The following DGKB variants were observed in gnomAD, a reference collection of about 807,000 sequenced individuals.
DGKB encodes the protein diacylglycerol kinase beta, also known as 90 kDa diacylglycerol kinase.
In DGKB, 67 loss-of-function variants were observed where a neutral mutation model predicts 114.3. The ratio of observed to expected loss-of-function variants is 0.59; its 90% CI spans 0.48 to 0.72. The LOEUF is 0.72. DGKB is among the 30% of genes least tolerant of loss of function. The pLI, the probability that DGKB is intolerant of heterozygous loss-of-function variation, is 0.00. For synonymous variants in DGKB, 398 were observed against 323.1 expected, an observed-to-expected ratio of 1.23 and a Z score of -2.49; for missense variants, 907 against 975.2, an observed-to-expected ratio of 0.93 and a Z score of 0.93.
chr7:14,801,477 G>T (rs1463347971), intron 2 of DGKB, among the ~76,000 whole-genome samples: 2 of 152,166 alleles, frequency 1.3e-5, no homozygotes, highest in Non-Finnish European at 2.9e-5. Flanking sequence ...ACTAGCATTT[G>T]AATTGGTGAA....
chr7:14,659,997 G>A (rs1446772146), intron 13 of DGKB, among the ~76,000 whole-genome samples: 3 of 151,172 alleles, frequency 2.0e-5, no homozygotes, highest in Admixed American at 2.0e-4. Flanking sequence ...TAATCATGTG[G>A]TTTTTGTCTT....
chr7:14,915,466 C>A (rs1784199296), intron 1 of DGKB, among the ~76,000 whole-genome samples: 1 of 152,154 alleles, frequency 6.6e-6, no homozygotes, highest in Admixed American at 6.6e-5. Context: ...CGCTAAACCA[C>A]AGATCCAAGA....
At chr7:14,279,869 C>T (rs1348216650) in intron 23 of DGKB, among the ~76,000 whole-genome samples, 2 of 149,434 alleles carry the variant, frequency 1.3e-5, no homozygotes, top group Admixed American at 6.7e-5. Context: ...ACATCACCAT[C>T]ATCAAACACC....
Position 14,148,982 on chromosome 7 carries a change from A to G in DGKB, c.*149T>C, listed in dbSNP as rs1379015653. On this transcript the variant is annotated 3_prime_UTR_variant, in exon 26 of 26. Coordinates refer to ENST00000402815, the MANE Select transcript of DGKB (RefSeq NM_001350709.2). ...AGACAATAAATTTTCTAATAGCTGA[A>G]TTTTACATTAGCTTAGTAACAAAAA... 3.0e-6 allele frequency: 2 copies of G among 675,276 alleles called. No homozygotes were observed. The highest frequency in any genetic ancestry group is 5.0e-6 in the Non-Finnish European group (2 of 397,574). 41.8% of individuals were successfully genotyped at this position (675,276 alleles called of 1,614,324 possible).
chr7:14,827,182 C>A (rs914574369), intron 2 of DGKB, among the ~76,000 whole-genome samples: 1 of 152,102 alleles, frequency 6.6e-6, no homozygotes, highest in Non-Finnish European at 1.5e-5. Flanking sequence ...TTTTGATTAC[C>A]TTCTCATATT....
At chr7:14,678,099 T>A (rs1248370413) in intron 12 of DGKB, among the ~76,000 whole-genome samples, 1 of 152,068 alleles carries the variant, frequency 6.6e-6, no homozygotes, top group South Asian at 2.1e-4. Flanking sequence ...ATAGTACATA[T>A]GTTTGAAATT....
At chr7:14,546,604 G>A (rs909168700) in intron 20 of DGKB, among the ~76,000 whole-genome samples, 2 of 152,046 alleles carry the variant, frequency 1.3e-5, no homozygotes, top group Admixed American at 1.3e-4. Flanking sequence ...TTTCCACTAC[G>A]GATCTGGAAT....
chr7:14,718,628 G>T lies in DGKB; in HGVS notation c.380C>A (p.Thr127Lys), dbSNP rs765803079. 4.3e-6 allele frequency: 7 copies of T among 1,611,528 alleles called. No homozygotes were observed. The African/African-American group carries it at 9.4e-5, about 22-fold the overall frequency. The change falls in exon 6 of 26, where the codon ACG (threonine) becomes AAG (lysine). Residue 127 changes from threonine (T) to lysine (K), a missense_variant. Around this residue, in one of 3 missense-constraint regions of DGKB, gnomAD observed 814 missense variants for 856.6 expected, o/e 0.95. Transcript: ENST00000402815. The part of the protein sequence containing the change: ...TPPRTTSPAN[T>K]CSPEVIHLKD... ...CAGATGGATTACTTCTGGGGAACACGTATTTGCAGGAGAAGTAGTCCGGGG... is the reference window on the plus strand; with the variant it reads ...CAGATGGATTACTTCTGGGGAACACTTATTTGCAGGAGAAGTAGTCCGGGG...
chr7:14,402,639 C>T (rs1205548520), intron 21 of DGKB, among the ~76,000 whole-genome samples: 1 of 151,800 alleles, frequency 6.6e-6, no homozygotes, highest in Non-Finnish European at 1.5e-5. Flanking sequence ...ATAGCACTGA[C>T]CTGAACCATA....
At chr7:14,362,082 A>G (rs1815858358) in intron 21 of DGKB, among the ~76,000 whole-genome samples, 1 of 152,012 alleles carries the variant, frequency 6.6e-6, no homozygotes, top group Non-Finnish European at 1.5e-5. Context: ...CGCTTTCTAT[A>G]CTGAACAGAT....
At chr7:14,493,953 CACACACACAT>C (rs925211142) in intron 20 of DGKB, among the ~76,000 whole-genome samples, 20 of 151,388 alleles carry the variant, frequency 1.3e-4, no homozygotes, top group Admixed American at 7.9e-4. Flanking sequence ...CACACACACA[CACACACACAT>C]CTATGTACAC....
intron 15 of DGKB, among the ~76,000 whole-genome samples, chr7:14,618,885 A>C (rs1807071722): frequency 6.6e-6 from 1 of 151,444 alleles, no homozygotes; most frequent in Non-Finnish European, 1.5e-5. Flanking sequence ...TTAATGATAC[A>C]TACTTTTTAA....
At chr7:14,617,129 T>C (rs1434659373) in intron 15 of DGKB, among the ~76,000 whole-genome samples, 2 of 151,782 alleles carry the variant, frequency 1.3e-5, no homozygotes, top group Non-Finnish European at 3.0e-5. Context: ...TCATCTTATC[T>C]GATGGCTGCC....
intron 21 of DGKB, among the ~76,000 whole-genome samples, chr7:14,424,583 C>T (rs75108832): frequency 6.6e-6 from 1 of 152,034 alleles, no homozygotes; most frequent in East Asian, 1.9e-4. Context: ...CTTCAAGACA[C>T]TACTGAGAGG....
chr7:14,482,053 A>G (rs901009413), intron 20 of DGKB, among the ~76,000 whole-genome samples: 10 of 151,974 alleles, frequency 6.6e-5, no homozygotes, highest in African/African-American at 1.9e-4. Flanking sequence ...GACTGGGTTC[A>G]AGACCCAGCT....
chr7:14,379,571 G>T (rs12333379), intron 21 of DGKB, among the ~76,000 whole-genome samples: 88,873 of 151,502 alleles, frequency 0.59, 26,406 homozygotes, highest in East Asian at 0.64. Flanking sequence ...ATTTTTTATT[G>T]TTTTTTGAGA....
chr7:14,465,658 A>G (rs1274134313), intron 21 of DGKB, among the ~76,000 whole-genome samples: 1 of 152,160 alleles, frequency 6.6e-6, no homozygotes, highest in Non-Finnish European at 1.5e-5. Flanking sequence ...TGGGGCATGG[A>G]GAGAGGAGAA....
rs534331357 is a variant in DGKB, at chr7:14,195,690, T to G, written c.2123-17539A>C. ...GTGAAACATGAAAAACACATAAAAA[T>G]AAAATTTTAGAAACATGGTAGTACA... On this transcript the variant is annotated intron_variant, in intron 23 of 25. Coordinates refer to ENST00000402815, the MANE Select transcript of DGKB (RefSeq NM_001350709.2). Among the ~76,000 whole-genome samples, 32 of 152,192 alleles carry G rather than the reference T, an allele frequency of 2.1e-4. No homozygotes were observed. In the South Asian group the frequency reaches 6.6e-3, roughly 32 times the overall value.
chr7:14,218,064 G>C lies in DGKB; in HGVS notation c.2123-39913C>G, dbSNP rs545583023. Among the ~76,000 whole-genome samples the C allele has an allele frequency of 5.9e-5, 9 of 152,166 alleles. No individual in the cohort carries two copies. In the East Asian group the frequency reaches 1.4e-3, roughly 23 times the overall value. On this transcript the variant is annotated intron_variant, in intron 23 of 25. Transcript: ENST00000402815. ...AATAAAATAAGCTTTATTTGGAAGGGTAGATTCATATGAAAACAAGACACA... is the reference window on the plus strand; with the variant it reads ...AATAAAATAAGCTTTATTTGGAAGGCTAGATTCATATGAAAACAAGACACA...
Sources: gnomAD v4.1 joint callset for allele counts (sites outside exome capture counted in the v4.1 genomes callset) on GRCh38, gnomAD v4.1.1 for gene constraint, gnomAD v4.1.1 regional missense constraint, MANE v1.5 for transcripts, NCBI Gene and HGNC (gene_info 2026-07-23, HGNC 2026-07-21) for gene names.